Variants in C10orf143 observed in about 807,000 individuals in gnomAD.
C10orf143 encodes the protein chromosome 10 open reading frame 143, also known as uncharacterized protein C10orf143.
At position 130,055,969 on chromosome 10, in the gene C10orf143, A is replaced by G. The variant is rs1200521922; in HGVS notation, c.298-19999T>C. Reference sequence around the variant, plus strand: ...TCCAAAAGTAAAAAAAAAAAAAAAAAAAAAAAAAAAGAAAGAAAAGAAAAA... The same window carrying G: ...TCCAAAAGTAAAAAAAAAAAAAAAAGAAAAAAAAAAGAAAGAAAAGAAAAA... On this transcript the variant is annotated intron_variant and NMD_transcript_variant, in intron 3 of 5. Transcript: ENST00000643056. 6.0e-5 allele frequency among the ~76,000 whole-genome samples: 9 copies of G among 150,354 alleles called. No individual in the cohort carries two copies. The South Asian group carries it at 6.3e-4, about 10-fold the overall frequency.
At chr10:130,108,450 C>G in intron 1 of C10orf143, 1 of 796,484 alleles carries the variant, frequency 1.3e-6, no homozygotes, top group East Asian at 2.4e-5. Context: ...CAGCAAGATA[C>G]CTGGCAATAT....
intron 3 of C10orf143, among the ~76,000 whole-genome samples, chr10:130,070,387 A>G (rs2134753117): frequency 1.3e-5 from 2 of 152,310 alleles, no homozygotes; most frequent in Admixed American, 1.3e-4. Flanking sequence ...CAGCTCAAAG[A>G]TGCATTCCAA....
In C10orf143 at chr10:130,106,304, G is replaced by A. The variant is rs1411999050; in HGVS notation, c.69+4400C>T. On this transcript the variant is annotated intron_variant, in intron 1 of 3. Coordinates refer to ENST00000637128, the MANE Select transcript of C10orf143 (RefSeq NM_001355042.2). ...TGCTATAATGCTTTCTGGACTAATT[G>A]AAGAAAAATGTAAACTACTTGAAAA... 1.1e-5 allele frequency: 18 copies of A among 1,592,174 alleles called. No individual in the cohort carries two copies. In the East Asian group the frequency reaches 3.6e-4, roughly 32 times the overall value.
chr10:130,048,709 A>G (rs1860704626), intron 3 of C10orf143, among the ~76,000 whole-genome samples: 1 of 152,136 alleles, frequency 6.6e-6, no homozygotes, highest in Non-Finnish European at 1.5e-5. Context: ...CTTGAGAGAC[A>G]TCTTCTTTTT....
At chr10:130,059,100 G>A (rs1382537826), downstream of C10orf143, among the ~76,000 whole-genome samples, 1 of 152,192 alleles carries the variant, frequency 6.6e-6, no homozygotes, top group African/African-American at 2.4e-5. Flanking sequence ...AACACAGTTA[G>A]ATATATCACT....
intron 3 of C10orf143, among the ~76,000 whole-genome samples, chr10:130,074,913 T>C (rs78741765): frequency 0.037 from 5,571 of 152,048 alleles, 344 homozygotes; most frequent in African/African-American, 0.13. Flanking sequence ...TACTCCTACG[T>C]TGGCTGACTC....
intron 3 of C10orf143, 136 bp downstream of exon 3, chr10:130,079,430 T>C (rs1346775286): frequency 2.5e-6 from 1 of 397,070 alleles, no homozygotes; most frequent in Non-Finnish European, 4.4e-6. Context: ...AAAGCTTAAA[T>C]CAATTTTCAC....
chr10:130,044,123 C>T (rs1479586214), intron 3 of C10orf143, among the ~76,000 whole-genome samples: 1 of 152,180 alleles, frequency 6.6e-6, no homozygotes, highest in Non-Finnish European at 1.5e-5. Flanking sequence ...ACCAGGCCAA[C>T]ATGTGAACCT....
intron 1 of C10orf143, chr10:130,108,609 CTT>C (rs1473282934): frequency 5.8e-6 from 3 of 518,656 alleles, no homozygotes; most frequent in South Asian, 2.4e-5. Context: ...AAATATGAAT[CTT>C]ATAAGTAAAT....
chr10:130,105,912 C>T, intron 1 of C10orf143: 1 of 368,356 alleles, frequency 2.7e-6, no homozygotes, highest in South Asian at 2.1e-5. Flanking sequence ...CCCAGCTCCC[C>T]CCCGCAGCCG....
chr10:130,035,573 G>C (rs1270527375), intron 4 of C10orf143, among the ~76,000 whole-genome samples: 1 of 152,176 alleles, frequency 6.6e-6, no homozygotes, highest in Non-Finnish European at 1.5e-5. Context: ...AACTCCCCAG[G>C]CATCAGTTGC....
chr10:130,046,742 G>A (rs1475300365), intron 3 of C10orf143, among the ~76,000 whole-genome samples: 1 of 152,246 alleles, frequency 6.6e-6, no homozygotes, highest in East Asian at 1.9e-4. Flanking sequence ...TGCACCTGAG[G>A]CCACCAGCTC....
At chr10:130,081,943 T>C (rs1376327211) in intron 1 of C10orf143, among the ~76,000 whole-genome samples, 1 of 149,756 alleles carries the variant, frequency 6.7e-6, no homozygotes, top group Non-Finnish European at 1.5e-5. Flanking sequence ...ATACTAACGG[T>C]CACAATGAAA....
At chr10:130,055,159 C>T (rs972909014) in intron 3 of C10orf143, among the ~76,000 whole-genome samples, 3 of 151,284 alleles carry the variant, frequency 2.0e-5, no homozygotes, top group Non-Finnish European at 4.4e-5. Flanking sequence ...ACAAAAAACT[C>T]CCAGAAAAAA....
At chr10:130,048,460 T>C (rs1860701651) in intron 3 of C10orf143, among the ~76,000 whole-genome samples, 2 of 152,160 alleles carry the variant, frequency 1.3e-5, no homozygotes, top group Non-Finnish European at 2.9e-5. Context: ...CACACTCGCC[T>C]AAGTCCCCAG....
At chr10:130,080,946 C>A (rs947692185) in intron 1 of C10orf143, among the ~76,000 whole-genome samples, 2 of 151,996 alleles carry the variant, frequency 1.3e-5, no homozygotes, top group Non-Finnish European at 2.9e-5. Flanking sequence ...TTAACTGATG[C>A]TGAAAAAACT....
intron 1 of C10orf143, among the ~76,000 whole-genome samples, chr10:130,109,475 C>A (rs1564974455): frequency 1.3e-5 from 2 of 152,190 alleles, no homozygotes. Context: ...CCATGCTGTT[C>A]TGTGCAGGAG....
chr10:130,041,228 A>G (rs565838161), intron 3 of C10orf143, among the ~76,000 whole-genome samples: 3 of 152,248 alleles, frequency 2.0e-5, no homozygotes, highest in Non-Finnish European at 2.9e-5. Context: ...TCCTGAGTCC[A>G]GATGGTTTCC....
At chr10:130,071,923 C>T (rs958886526) in intron 3 of C10orf143, among the ~76,000 whole-genome samples, 1 of 152,086 alleles carries the variant, frequency 6.6e-6, no homozygotes, top group African/African-American at 2.4e-5. Context: ...CGCGCCTGGC[C>T]GTCATATTCT....
Sources: allele counts gnomAD v4.1 joint callset (sites outside exome capture counted in the v4.1 genomes callset), GRCh38; gene constraint gnomAD v4.1.1; transcripts MANE v1.5; gene names NCBI Gene and HGNC (gene_info 2026-07-23, HGNC 2026-07-21).